LRFN5: variants seen among roughly 807,000 people sequenced by gnomAD.
The protein encoded by LRFN5 is leucine-rich repeat and fibronectin type-III domain-containing protein 5.
LRFN5 carries 24 observed loss-of-function variants against 45.6 expected under a neutral mutation model. The observed-to-expected ratio is 0.53, with a 90% CI of 0.38 to 0.74. The LOEUF (loss-of-function observed/expected upper bound fraction) is 0.74, where lower values mean the gene tolerates loss of function less well. Among genes scored for constraint, LRFN5 ranks in the 30% least tolerant of loss-of-function variants. The probability of loss-of-function intolerance (pLI) is 0.00; values close to 1 mark genes in which losing one functional copy is unlikely to be tolerated. For synonymous variants in LRFN5, 340 were observed against 313.8 expected, an observed-to-expected ratio of 1.08 and a Z score of -0.88; for missense variants, 776 against 861.5, an observed-to-expected ratio of 0.90 and a Z score of 1.24.
At chr14:41,711,321 G>A (rs566861444) in intron 1 of LRFN5, among the ~76,000 whole-genome samples, 8 of 152,276 alleles carry the variant, frequency 5.3e-5, no homozygotes, top group South Asian at 2.1e-4. Flanking sequence ...CATAGAAGAC[G>A]TTGAGCTTAT....
chr14:41,655,768 A>C (rs1311419724), intron 1 of LRFN5, among the ~76,000 whole-genome samples: 1 of 152,008 alleles, frequency 6.6e-6, no homozygotes, highest in Non-Finnish European at 1.5e-5. Flanking sequence ...TTGAAGCTGG[A>C]GACCACAAGA....
chr14:41,839,897 G>A (rs1888799927), intron 2 of LRFN5, among the ~76,000 whole-genome samples: 1 of 152,078 alleles, frequency 6.6e-6, no homozygotes, highest in African/African-American at 2.4e-5. Flanking sequence ...GAGGGGAACA[G>A]CCAAAGAATC....
intron 2 of LRFN5, among the ~76,000 whole-genome samples, chr14:41,871,054 C>A (rs1388872811): frequency 1.3e-5 from 2 of 151,004 alleles, no homozygotes; most frequent in South Asian, 2.1e-4. Context: ...AATATTTAGG[C>A]CTTGATATTC....
At chr14:41,628,579 C>T (rs536609183) in intron 1 of LRFN5, among the ~76,000 whole-genome samples, 8 of 151,478 alleles carry the variant, frequency 5.3e-5, no homozygotes, top group East Asian at 1.9e-4. Flanking sequence ...ACTCCAGCCT[C>T]GGCAATAGAA....
intron 1 of LRFN5, among the ~76,000 whole-genome samples, chr14:41,610,942 G>A (rs1221679770): frequency 1.3e-5 from 2 of 152,066 alleles, no homozygotes; most frequent in Non-Finnish European, 2.9e-5. Flanking sequence ...TACAATATTT[G>A]TTAGCAAGTA....
At chr14:41,742,017 G>A (rs1238304075) in intron 1 of LRFN5, among the ~76,000 whole-genome samples, 1 of 151,702 alleles carries the variant, frequency 6.6e-6, no homozygotes, top group East Asian at 1.9e-4. Context: ...ATAAGTGTTG[G>A]TGAGATAACA....
intron 2 of LRFN5, among the ~76,000 whole-genome samples, chr14:41,873,094 A>G (rs1456275436): frequency 6.6e-6 from 1 of 152,114 alleles, no homozygotes; most frequent in Non-Finnish European, 1.5e-5. Flanking sequence ...CTTGCTTACT[A>G]CACTGTTGCA....
chr14:41,696,508 T>C (rs2138715975), intron 1 of LRFN5, among the ~76,000 whole-genome samples: 1 of 152,056 alleles, frequency 6.6e-6, no homozygotes, highest in East Asian at 1.9e-4. Flanking sequence ...ACAGTCACTT[T>C]ACCCTTCAGC....
At chr14:41,653,251 T>C (rs1880215935) in intron 1 of LRFN5, among the ~76,000 whole-genome samples, 1 of 152,152 alleles carries the variant, frequency 6.6e-6, no homozygotes. Flanking sequence ...GTTATTTTCC[T>C]AAGTGGTATT....
chr14:41,764,026 C>CA (rs928227989), intron 1 of LRFN5, among the ~76,000 whole-genome samples: 38 of 150,888 alleles, frequency 2.5e-4, no homozygotes, highest in South Asian at 1.0e-3. Flanking sequence ...ATAATATCAA[C>CA]AAAAAAAAAT....
intron 2 of LRFN5, among the ~76,000 whole-genome samples, chr14:41,879,427 C>A (rs565403640): frequency 1.5e-4 from 23 of 151,902 alleles, no homozygotes; most frequent in African/African-American, 5.3e-4. Flanking sequence ...TTTCCGTATA[C>A]CCTTTACCCG....
At chr14:41,847,543 TTTCTCCTGCTTTATTAC>T (rs1889112173) in intron 2 of LRFN5, among the ~76,000 whole-genome samples, 1 of 152,126 alleles carries the variant, frequency 6.6e-6, no homozygotes, top group Non-Finnish European at 1.5e-5. Context: ...AGTATCTTCC[TTTCTCCTGCTTTATTAC>T]AAATAATACT....
At chr14:41,893,463 A>G in intron 4 of LRFN5, 2 of 984,940 alleles carry the variant, frequency 2.0e-6, no homozygotes, top group South Asian at 4.7e-5. Flanking sequence ...ATGACATTTT[A>G]GCCATAATAT....
At chr14:41,878,449 A>G (rs1318734609) in intron 2 of LRFN5, among the ~76,000 whole-genome samples, 1 of 152,170 alleles carries the variant, frequency 6.6e-6, no homozygotes, top group Non-Finnish European at 1.5e-5. Flanking sequence ...TTGCTTTTAT[A>G]TTCCATCCTG....
intron 1 of LRFN5, among the ~76,000 whole-genome samples, chr14:41,736,750 G>A (rs1212350410): frequency 2.0e-5 from 3 of 152,148 alleles, no homozygotes; most frequent in African/African-American, 7.2e-5. Flanking sequence ...AGAAAATCTA[G>A]AGGAAATGGA....
intron 2 of LRFN5, among the ~76,000 whole-genome samples, chr14:41,772,335 T>G (rs1460439904): frequency 6.6e-6 from 1 of 152,204 alleles, no homozygotes; most frequent in Non-Finnish European, 1.5e-5. Context: ...CTGATAGATA[T>G]ATTTTCATGT....
chr14:41,835,727 A>G (rs577800069), intron 2 of LRFN5, among the ~76,000 whole-genome samples: 2 of 151,964 alleles, frequency 1.3e-5, no homozygotes, highest in South Asian at 4.1e-4. Flanking sequence ...ACCACGTCTC[A>G]AGCAAAACAA....
chr14:41,651,612 A>G (rs1566604211), intron 1 of LRFN5, among the ~76,000 whole-genome samples: 1 of 152,204 alleles, frequency 6.6e-6, no homozygotes, highest in Non-Finnish European at 1.5e-5. Flanking sequence ...TTTAGAAAGA[A>G]TTAAAAATAG....
chr14:41,670,021 T>C (rs1881094938), intron 1 of LRFN5, among the ~76,000 whole-genome samples: 1 of 149,648 alleles, frequency 6.7e-6, no homozygotes, highest in African/African-American at 2.4e-5. Flanking sequence ...ATGCAGTATA[T>C]AAAATATAAC....
Sources: gnomAD v4.1 joint callset for allele counts (sites outside exome capture counted in the v4.1 genomes callset) on GRCh38, gnomAD v4.1.1 for gene constraint, MANE v1.5 for transcripts, NCBI Gene and HGNC (gene_info 2026-07-23, HGNC 2026-07-21) for gene names.